The following CPA6 variants were observed in gnomAD, a reference collection of about 807,000 sequenced individuals.
CPA6 encodes carboxypeptidase B.
A neutral mutation model predicts 63.3 loss-of-function variants in CPA6; 58 were observed. That is an observed-to-expected ratio of 0.92 (90% CI 0.74 to 1.14). CPA6 has a LOEUF of 1.14. Among genes scored for constraint, CPA6 ranks in the 50% most tolerant of loss-of-function variants. The pLI is 0.00. For missense variants in CPA6, 565 were observed against 526.6 expected, an observed-to-expected ratio of 1.07 and a Z score of -0.71; for synonymous variants, 185 against 179.0, an observed-to-expected ratio of 1.03 and a Z score of -0.27.
intron 8 of CPA6, among the ~76,000 whole-genome samples, chr8:67,437,874 A>T (rs1273714154): frequency 2.0e-5 from 3 of 151,048 alleles, no homozygotes; most frequent in African/African-American, 7.3e-5. Context: ...CTAAAGTTAA[A>T]TATTTGAAGA....
In CPA6 at chr8:67,729,212, T is replaced by C. The variant is rs190156707; in HGVS notation, c.116+16802A>G. ...CAATAAGATCCCCTAGTGTTTTATTTGCACATTAAAATTCATTAGCTCTGG... is the reference window on the plus strand; with the variant it reads ...CAATAAGATCCCCTAGTGTTTTATTCGCACATTAAAATTCATTAGCTCTGG... On this transcript the variant is annotated intron_variant, in intron 1 of 10. Transcript: ENST00000297770. 6.6e-5 allele frequency among the ~76,000 whole-genome samples: 10 copies of C among 152,326 alleles called. No homozygotes were observed. The East Asian group carries it at 1.9e-3, about 29-fold the overall frequency.
rs1469437587 is a variant in CPA6, at chr8:67,506,868, G to A, written c.555C>T (p.Leu185=). ...FILKLGRRSR[L]KRAVWIDCGI... ...CACAGTCTATCCAAACAGCTCTTTT[G>A]AGTCGTGATCGTCTGCCCAGCTGAA... The change falls in exon 6 of 11, where the codon CTC becomes CTT. Residue 185 remains leucine (L), a synonymous_variant. Coordinates refer to ENST00000297770, the MANE Select transcript of CPA6 (RefSeq NM_020361.5). 6.2e-7 allele frequency: 1 copy of A among 1,613,372 alleles called. No homozygotes were observed. Among genetic ancestry groups the A allele is most frequent in the South Asian group, 1.1e-5 (1 of 91,046 alleles).
chr8:67,518,041 G>A lies in CPA6; in HGVS notation c.199C>T (p.Leu67=). 1 of 1,594,386 alleles carries A rather than the reference G, an allele frequency of 6.3e-7. No individual in the cohort carries two copies. Among genetic ancestry groups the A allele is most frequent in the South Asian group, 1.2e-5 (1 of 86,882 alleles). The change falls in exon 3 of 11, where the codon CTG becomes TTG. Residue 67 remains leucine (L), a synonymous_variant. Coordinates refer to ENST00000297770, the MANE Select transcript of CPA6 (RefSeq NM_020361.5). ...TAGGAGATACTGCTGGGCTGCCACAGGTCCACCTGTAGTGCAGGAACCAAC... is the reference window on the plus strand; with the variant it reads ...TAGGAGATACTGCTGGGCTGCCACAAGTCCACCTGTAGTGCAGGAACCAAC... The part of the protein sequence containing the change: ...KKISYQLKVD[L]WQPSSISYVS...
intron 8 of CPA6, among the ~76,000 whole-genome samples, chr8:67,455,166 A>C (rs1368489017): frequency 6.6e-6 from 1 of 152,202 alleles, no homozygotes; most frequent in African/African-American, 2.4e-5. Flanking sequence ...TACAGGAGAA[A>C]TGAAGAATGG....
At chr8:67,532,338 TA>T (rs1030986768) in intron 2 of CPA6, among the ~76,000 whole-genome samples, 6 of 149,248 alleles carry the variant, frequency 4.0e-5, no homozygotes, top group Admixed American at 6.6e-5. Context: ...ATTCATCAAA[TA>T]AAAAAAATAG....
intron 1 of CPA6, among the ~76,000 whole-genome samples, chr8:67,658,969 T>C (rs991350904): frequency 3.9e-5 from 6 of 152,220 alleles, no homozygotes; most frequent in Admixed American, 3.9e-4. Context: ...CCTTTCAATC[T>C]ACTCTCCACA....
Position 67,601,512 on chromosome 8 carries a change from G to A in CPA6, c.192+22664C>T, listed in dbSNP as rs542512311. On this transcript the variant is annotated intron_variant, in intron 2 of 10. Coordinates refer to ENST00000297770, the MANE Select transcript of CPA6 (RefSeq NM_020361.5). ...ATTGTTTTGGCAAAGCAATGGTCAT[G>A]GCTAATGGGAAATGATCCATACTTT... Among the ~76,000 whole-genome samples, 148 of 152,244 alleles carry A rather than the reference G, an allele frequency of 9.7e-4. 1 individual carries two copies. The highest frequency in any genetic ancestry group is 3.5e-3 in the African/African-American group (144 of 41,558).
chr8:67,447,994 A>C (rs1236244014), intron 8 of CPA6, among the ~76,000 whole-genome samples: 2 of 152,170 alleles, frequency 1.3e-5, no homozygotes, highest in Non-Finnish European at 2.9e-5. Flanking sequence ...CCTGTTGGCC[A>C]GGCTGGTCTC....
At chr8:67,528,130 C>G (rs1185651709) in intron 2 of CPA6, among the ~76,000 whole-genome samples, 1 of 152,246 alleles carries the variant, frequency 6.6e-6, no homozygotes, top group Admixed American at 6.5e-5. Context: ...AGACAGAGCT[C>G]TGTCCTCAAG....
intron 8 of CPA6, among the ~76,000 whole-genome samples, chr8:67,476,622 A>G (rs577361312): frequency 6.6e-6 from 1 of 151,682 alleles, no homozygotes; most frequent in African/African-American, 2.4e-5. Flanking sequence ...TGATACCTAA[A>G]CTGCTCTTCT....
intron 1 of CPA6, among the ~76,000 whole-genome samples, chr8:67,625,387 A>G (rs1314092156): frequency 6.6e-6 from 1 of 152,208 alleles, no homozygotes; most frequent in East Asian, 1.9e-4. Context: ...AAGGTCCTGA[A>G]TTACCTAAGA....
intron 2 of CPA6, among the ~76,000 whole-genome samples, chr8:67,557,674 C>A (rs1000750890): frequency 1.3e-5 from 2 of 152,182 alleles, no homozygotes; most frequent in South Asian, 2.1e-4. Flanking sequence ...CCAGTGCCCC[C>A]CTCAGAGGTC....
intron 6 of CPA6, among the ~76,000 whole-genome samples, chr8:67,497,546 A>G (rs1811745694): frequency 6.6e-6 from 1 of 152,194 alleles, no homozygotes. Flanking sequence ...ATGAGCATTC[A>G]TGCACAAGTT....
At chr8:67,435,132 C>G (rs961073704) in intron 8 of CPA6, among the ~76,000 whole-genome samples, 1 of 152,170 alleles carries the variant, frequency 6.6e-6, no homozygotes, top group African/African-American at 2.4e-5. Flanking sequence ...CCATCCCCAG[C>G]AAATGTTTTG....
At chr8:67,700,445 A>C (rs1053468635) in intron 1 of CPA6, among the ~76,000 whole-genome samples, 4 of 152,340 alleles carry the variant, frequency 2.6e-5, no homozygotes, top group Admixed American at 2.6e-4. Context: ...CAGACAAAGA[A>C]AGTCTTTTGC....
At chr8:67,600,164 T>A (rs1032255809) in intron 2 of CPA6, among the ~76,000 whole-genome samples, 7 of 152,042 alleles carry the variant, frequency 4.6e-5, no homozygotes, top group Non-Finnish European at 1.0e-4. Context: ...AAGAAGACAT[T>A]TATGCAGCCA....
chr8:67,618,652 A>G (rs528303637), intron 2 of CPA6, among the ~76,000 whole-genome samples: 1 of 152,330 alleles, frequency 6.6e-6, no homozygotes, highest in African/African-American at 2.4e-5. Flanking sequence ...TTTTGGACAA[A>G]TAGGACAGTT....
At chr8:67,562,433 A>T (rs1452096370) in intron 2 of CPA6, among the ~76,000 whole-genome samples, 1 of 152,180 alleles carries the variant, frequency 6.6e-6, no homozygotes, top group East Asian at 1.9e-4. Context: ...TTGGTGGTTG[A>T]AAGCGCTAAG....
At chr8:67,622,014 C>A (rs979020081) in intron 2 of CPA6, among the ~76,000 whole-genome samples, 1 of 152,174 alleles carries the variant, frequency 6.6e-6, no homozygotes, top group Non-Finnish European at 1.5e-5. Context: ...TAAGTAACCC[C>A]TACAGTCCTC....
Sources: allele counts gnomAD v4.1 joint callset (sites outside exome capture counted in the v4.1 genomes callset), GRCh38; gene constraint gnomAD v4.1.1; transcripts MANE v1.5; gene names NCBI Gene and HGNC (gene_info 2026-07-23, HGNC 2026-07-21).